KLHL1: variants seen among roughly 807,000 people sequenced by gnomAD.
The protein encoded by KLHL1 is kelch-like protein 1.
In KLHL1, 47 loss-of-function variants were observed where a neutral mutation model predicts 77.7. The ratio of observed to expected loss-of-function variants is 0.60; its 90% CI spans 0.48 to 0.77. The LOEUF (loss-of-function observed/expected upper bound fraction) is 0.77. KLHL1 is among the 30% of genes least tolerant of loss of function. The probability of loss-of-function intolerance (pLI) is 0.00; values close to 1 mark genes in which losing one functional copy is unlikely to be tolerated. For synonymous variants in KLHL1, 360 were observed against 325.2 expected, an observed-to-expected ratio of 1.11 and a Z score of -1.15; for missense variants, 925 against 910.8, an observed-to-expected ratio of 1.02 and a Z score of -0.20.
chr13:70,025,248 T>C (rs886141510), intron 1 of KLHL1, among the ~76,000 whole-genome samples: 1 of 152,032 alleles, frequency 6.6e-6, no homozygotes, highest in Non-Finnish European at 1.5e-5. Flanking sequence ...TTAAATATAA[T>C]CTACAAGTAT....
intron 8 of KLHL1, among the ~76,000 whole-genome samples, chr13:69,729,227 T>C (rs2137910975): frequency 6.6e-6 from 1 of 152,322 alleles, no homozygotes; most frequent in East Asian, 1.9e-4. Flanking sequence ...TGCTGGCATA[T>C]ATACCCCTTA....
chr13:69,874,613 A>G (rs1049811446), intron 5 of KLHL1, among the ~76,000 whole-genome samples: 3 of 152,182 alleles, frequency 2.0e-5, no homozygotes, highest in African/African-American at 2.4e-5. Context: ...TATAAAATAT[A>G]GATGAATAAA....
intron 4 of KLHL1, among the ~76,000 whole-genome samples, chr13:69,906,729 T>C (rs1882057220): frequency 6.6e-6 from 1 of 151,998 alleles, no homozygotes; most frequent in Admixed American, 6.6e-5. Flanking sequence ...CTGACTTTTC[T>C]ACATGATCCT....
At chr13:69,937,542 A>G (rs1183568025) in intron 4 of KLHL1, among the ~76,000 whole-genome samples, 1 of 152,160 alleles carries the variant, frequency 6.6e-6, no homozygotes, top group Non-Finnish European at 1.5e-5. Context: ...ATAATCTAAG[A>G]GAGTACAATG....
intron 1 of KLHL1, among the ~76,000 whole-genome samples, chr13:70,093,600 TTTGACACATAAA>T (rs1322603905): frequency 1.3e-5 from 2 of 152,162 alleles, no homozygotes; most frequent in Non-Finnish European, 1.5e-5. Context: ...ATAGAAATAT[TTTGACACATAAA>T]TTGTGTATAA....
chr13:70,051,181 G>A (rs2137392036), intron 1 of KLHL1, among the ~76,000 whole-genome samples: 1 of 152,004 alleles, frequency 6.6e-6, no homozygotes, highest in South Asian at 2.1e-4. Flanking sequence ...TGGAGGACTT[G>A]TAAATTTTTC....
chr13:69,865,519 A>G (rs934622204), intron 5 of KLHL1, among the ~76,000 whole-genome samples: 24 of 152,118 alleles, frequency 1.6e-4, no homozygotes, highest in Non-Finnish European at 8.8e-5. Context: ...TGTTTTTAAA[A>G]AATTTACTGA....
rs981133470 is a variant in KLHL1 at position 69,774,663 on chromosome 13, T to TA, written c.1639+22074dup. ...TCCTAATAAACTTGCCTTCACTTAA[T>TA]AAAAAAAAACACACACACACAAGCA... On this transcript the variant is annotated intron_variant, in intron 7 of 10. Transcript: ENST00000377844. Among the ~76,000 whole-genome samples, 69 of 140,710 alleles carry TA rather than the reference T, an allele frequency of 4.9e-4. No individual in the cohort carries two copies. In the South Asian group the frequency reaches 6.6e-3, roughly 14 times the overall value. The allele number at this position is 140,710 out of a possible 152,430, so 92.3% of individuals were successfully genotyped here.
At chr13:69,989,556 G>C (rs1243604770) in intron 1 of KLHL1, among the ~76,000 whole-genome samples, 1 of 151,910 alleles carries the variant, frequency 6.6e-6, no homozygotes, top group Non-Finnish European at 1.5e-5. Context: ...TGGGCAGTAT[G>C]GCCTTTTTAA....
chr13:69,870,667 T>C (rs2138173966), intron 5 of KLHL1, among the ~76,000 whole-genome samples: 1 of 151,984 alleles, frequency 6.6e-6, no homozygotes, highest in South Asian at 2.1e-4. Flanking sequence ...CAAGATACAA[T>C]GGTTATGCAA....
intron 8 of KLHL1, among the ~76,000 whole-genome samples, chr13:69,721,286 T>C (rs1873052832): frequency 6.7e-6 from 1 of 148,854 alleles, no homozygotes; most frequent in Admixed American, 6.8e-5. Flanking sequence ...TTGTTCCACC[T>C]TTCCGGAAGG....
chr13:69,720,613 G>T (rs113055780), intron 8 of KLHL1, among the ~76,000 whole-genome samples: 3,280 of 152,102 alleles, frequency 0.022, 125 homozygotes, highest in African/African-American at 0.076. Context: ...TGAGGGTAGA[G>T]ATTGTGGATA....
At chr13:70,081,489 G>A (rs368708602) in intron 1 of KLHL1, among the ~76,000 whole-genome samples, 1 of 152,120 alleles carries the variant, frequency 6.6e-6, no homozygotes, top group Non-Finnish European at 1.5e-5. Context: ...CAGGACTGAG[G>A]TCCTCATTTT....
At chr13:70,004,298 C>T (rs1427796212) in intron 1 of KLHL1, among the ~76,000 whole-genome samples, 1 of 151,782 alleles carries the variant, frequency 6.6e-6, no homozygotes, top group Non-Finnish European at 1.5e-5. Context: ...TAAATAAAGA[C>T]CCCCATGACA....
At position 69,870,846 on chromosome 13, in the gene KLHL1, G is replaced by A. The variant is rs186926963; in HGVS notation, c.1227+11437C>T. 3.3e-5 allele frequency among the ~76,000 whole-genome samples: 5 copies of A among 152,152 alleles called. No individual in the cohort carries two copies. The East Asian group carries it at 9.8e-4, about 30-fold the overall frequency. ...CCTGGGGCACACTAGTGTGAGAGGT[G>A]AGAGGTGGGCTCTCATGGTCTTGTG... On this transcript the variant is annotated intron_variant, in intron 5 of 10. Transcript: ENST00000377844.
At chr13:69,761,761 TC>T (rs1472356975) in intron 7 of KLHL1, among the ~76,000 whole-genome samples, 3 of 152,186 alleles carry the variant, frequency 2.0e-5, no homozygotes, top group Non-Finnish European at 4.4e-5. Flanking sequence ...AAGTGTTGAC[TC>T]ATGGGGAGTC....
intron 5 of KLHL1, among the ~76,000 whole-genome samples, chr13:69,869,664 C>G (rs1880506005): frequency 6.6e-6 from 1 of 152,100 alleles, no homozygotes; most frequent in South Asian, 2.1e-4. Context: ...TTTGTTTCAG[C>G]TTTCAGAGTG....
chr13:69,719,445 C>T lies in KLHL1; in HGVS notation c.1939G>A (p.Gly647Ser), dbSNP rs201140611. 178 of 1,613,512 alleles carry T rather than the reference C, an allele frequency of 1.1e-4. No individual in the cohort carries two copies. The highest frequency in any genetic ancestry group is 3.1e-4 in the African/African-American group (23 of 74,924). Residue 647 changes from glycine (G) to serine (S), a missense_variant, in exon 9 of 11, where the codon GGT (glycine) becomes AGT (serine). Coordinates refer to ENST00000377844, the MANE Select transcript of KLHL1 (RefSeq NM_020866.3). The stretch of plus-strand genomic sequence containing the variant: ...TGACCTCCTACTGCATAAAGAAAAC[C>T]GTCACATGTGGCCACTCCGACACCC... Reference protein sequence around the residue: ...RGGVGVATCDGFLYAVGGHDA... With the variant: ...RGGVGVATCDSFLYAVGGHDA...
At chr13:69,873,812 G>A (rs1566351392) in intron 5 of KLHL1, among the ~76,000 whole-genome samples, 3 of 152,068 alleles carry the variant, frequency 2.0e-5, no homozygotes, top group Admixed American at 6.6e-5. Context: ...GAATAAACTT[G>A]TATTTGTTTA....
Sources: gnomAD v4.1 joint callset for allele counts (sites outside exome capture counted in the v4.1 genomes callset) on GRCh38, gnomAD v4.1.1 for gene constraint, MANE v1.5 for transcripts, NCBI Gene and HGNC (gene_info 2026-07-23, HGNC 2026-07-21) for gene names.